Variants in MAPK10 observed in about 807,000 individuals in gnomAD.
The protein encoded by MAPK10 is JNK3 alpha protein kinase.
A neutral mutation model predicts 59.3 loss-of-function variants in MAPK10; 25 were observed. The observed-to-expected ratio is 0.42, with a 90% CI of 0.31 to 0.59. The LOEUF is 0.59. Among genes scored for constraint, MAPK10 ranks in the 20% least tolerant of loss-of-function variants. The pLI is 0.15. For missense variants in MAPK10, 351 were observed against 568.9 expected (o/e 0.62, Z 3.90); for synonymous variants, 190 against 200.5 (o/e 0.95, Z 0.44).
In MAPK10 at chr4:86,435,996, G is replaced by A. The variant is rs554457946; in HGVS notation, c.-122+17034C>T. Among the ~76,000 whole-genome samples, 9 of 152,220 alleles carry A rather than the reference G, an allele frequency of 5.9e-5. No individual in the cohort carries two copies. In the South Asian group the frequency reaches 1.7e-3, roughly 28 times the overall value. ...ATACCAAACATTTGCCCAAAAAAAGGTAATCATATTTTGTTAAAAATTCCT... is the reference window on the plus strand; with the variant it reads ...ATACCAAACATTTGCCCAAAAAAAGATAATCATATTTTGTTAAAAATTCCT... On this transcript the variant is annotated intron_variant, in intron 1 of 13. Transcript: ENST00000361569.
rs150108373 is a variant in MAPK10, at chr4:86,380,314, G to A, written c.-121-25670C>T. Reference sequence around the variant, plus strand: ...TCATATGTTGGACTATGGTCTCCAGGTTTACAGTTGCCACCCTCTTTGCAG... The same window carrying A: ...TCATATGTTGGACTATGGTCTCCAGATTTACAGTTGCCACCCTCTTTGCAG... On this transcript the variant is annotated intron_variant, in intron 1 of 13. Transcript: ENST00000361569. Among the ~76,000 whole-genome samples, 122 of 152,278 alleles carry A rather than the reference G, an allele frequency of 8.0e-4. 1 individual carries two copies. The highest frequency in any genetic ancestry group is 3.4e-3 in the Middle Eastern group (1 of 294).
chr4:86,107,812 G>C (rs1035589270), intron 4 of MAPK10, among the ~76,000 whole-genome samples: 1 of 151,874 alleles, frequency 6.6e-6, no homozygotes, highest in South Asian at 2.1e-4. Context: ...ATTGTTCTTT[G>C]TTTGTTTTAA....
At chr4:86,054,610 T>G (rs1035978947) in intron 11 of MAPK10, among the ~76,000 whole-genome samples, 1 of 152,202 alleles carries the variant, frequency 6.6e-6, no homozygotes, top group African/African-American at 2.4e-5. Flanking sequence ...AATTGCTCTT[T>G]CTATAATTAA....
chr4:86,439,830 T>C (rs1370718248), intron 1 of MAPK10, among the ~76,000 whole-genome samples: 1 of 152,208 alleles, frequency 6.6e-6, no homozygotes, highest in Non-Finnish European at 1.5e-5. Context: ...ACTCATTTCT[T>C]CTTTGGTAAA....
chr4:86,461,736 C>T (rs1751765122), intron 1 of MAPK10, among the ~76,000 whole-genome samples: 1 of 152,162 alleles, frequency 6.6e-6, no homozygotes, highest in African/African-American at 2.4e-5. Flanking sequence ...TTCTGCATCC[C>T]CTCATTATTT....
intron 1 of MAPK10, among the ~76,000 whole-genome samples, chr4:86,585,398 T>C (rs918528790): frequency 2.6e-4 from 39 of 152,218 alleles, no homozygotes; most frequent in African/African-American, 3.1e-4. Flanking sequence ...CCTCAAGCTA[T>C]ATGTTCCCTT....
chr4:86,412,230 C>T (rs1745273862), intron 1 of MAPK10, among the ~76,000 whole-genome samples: 1 of 152,128 alleles, frequency 6.6e-6, no homozygotes, highest in East Asian at 1.9e-4. Context: ...TATTGGCCCC[C>T]ACTCTCTTCT....
chr4:86,042,196 C>A (rs116040795), intron 11 of MAPK10, among the ~76,000 whole-genome samples: 1,781 of 152,302 alleles, frequency 0.012, 30 homozygotes, highest in African/African-American at 0.04. Flanking sequence ...AGCCATCATC[C>A]TCAGCAAACT....
At chr4:86,287,819 T>C (rs1336002528) in intron 2 of MAPK10, among the ~76,000 whole-genome samples, 2 of 152,340 alleles carry the variant, frequency 1.3e-5, no homozygotes, top group African/African-American at 4.8e-5. Context: ...TGATCTAATG[T>C]TTCTTCACTG....
At chr4:86,156,214 G>T (rs1306066366) in intron 4 of MAPK10, among the ~76,000 whole-genome samples, 1 of 151,806 alleles carries the variant, frequency 6.6e-6, no homozygotes, top group Non-Finnish European at 1.5e-5. Context: ...ATTATTCCCA[G>T]GGCATCTTAT....
chr4:86,556,132 T>C (rs1760250143), intron 1 of MAPK10, among the ~76,000 whole-genome samples: 1 of 152,236 alleles, frequency 6.6e-6, no homozygotes. Context: ...TGAGGGGCTA[T>C]AAACAATTCC....
chr4:86,020,874 A>G (rs1746264522), intron 13 of MAPK10: 1 of 152,388 alleles, frequency 6.6e-6, no homozygotes, highest in Admixed American at 6.5e-5. Flanking sequence ...TACTGCAAAG[A>G]GCAAAGAACA....
At chr4:86,228,401 G>A (rs940377247) in intron 2 of MAPK10, among the ~76,000 whole-genome samples, 14 of 152,152 alleles carry the variant, frequency 9.2e-5, no homozygotes, top group African/African-American at 2.9e-4. Context: ...AGTAAATGTC[G>A]TGTATCACAA....
At chr4:86,278,382 T>A (rs1583948800) in intron 2 of MAPK10, among the ~76,000 whole-genome samples, 2 of 152,188 alleles carry the variant, frequency 1.3e-5, no homozygotes, top group Non-Finnish European at 2.9e-5. Flanking sequence ...GGAGCAATCA[T>A]CTTCCACTTA....
intron 13 of MAPK10, chr4:86,023,958 A>G (rs1252084154): frequency 6.6e-6 from 1 of 151,082 alleles, no homozygotes; most frequent in Non-Finnish European, 1.5e-5. Flanking sequence ...GTTTTATGAG[A>G]AAATAACCAG....
At chr4:86,565,453 A>G (rs897126880) in intron 1 of MAPK10, among the ~76,000 whole-genome samples, 11 of 152,200 alleles carry the variant, frequency 7.2e-5, no homozygotes, top group African/African-American at 2.7e-4. Flanking sequence ...TTTTTCTCTA[A>G]AAGCTAGTAT....
At chr4:86,256,734 CTTTT>C (rs767737802) in intron 2 of MAPK10, among the ~76,000 whole-genome samples, 1 of 59,636 alleles carries the variant, frequency 1.7e-5, no homozygotes, top group African/African-American at 1.1e-4. Flanking sequence ...TTCTTTCTTT[CTTTT>C]TTTTTTTTTT....
intron 1 of MAPK10, among the ~76,000 whole-genome samples, chr4:86,393,467 G>A (rs966844865): frequency 1.3e-5 from 2 of 151,562 alleles, no homozygotes; most frequent in African/African-American, 4.9e-5. Flanking sequence ...ATGTTTACTT[G>A]TAACTCAATG....
At chr4:86,463,079 T>G (rs901136911) in intron 1 of MAPK10, among the ~76,000 whole-genome samples, 3 of 152,182 alleles carry the variant, frequency 2.0e-5, no homozygotes, top group Admixed American at 6.5e-5. Flanking sequence ...GCTCCAATAT[T>G]TTCCCCTTGG....
Sources: gnomAD v4.1 joint callset for allele counts (sites outside exome capture counted in the v4.1 genomes callset) on GRCh38, gnomAD v4.1.1 for gene constraint, MANE v1.5 for transcripts, NCBI Gene and HGNC (gene_info 2026-07-23, HGNC 2026-07-21) for gene names.